Variants in PCBP3 observed in about 807,000 individuals in gnomAD.
PCBP3 encodes the protein poly(rC)-binding protein 3.
PCBP3 carries 25 observed loss-of-function variants against 52.7 expected under a neutral mutation model. The observed-to-expected ratio is 0.47, with a 90% CI of 0.35 to 0.66. The LOEUF (loss-of-function observed/expected upper bound fraction) is 0.66, where lower values mean the gene tolerates loss of function less well. Among genes scored for constraint, PCBP3 ranks in the 30% least tolerant of loss-of-function variants. The pLI, the probability that PCBP3 is intolerant of heterozygous loss-of-function variation, is 0.01. For missense variants in PCBP3, 391 were observed against 490.3 expected (o/e 0.80, Z 1.91); for synonymous variants, 162 against 183.0 (o/e 0.89, Z 0.93).
At chr21:45,921,107 T>A (rs1238871054) in intron 13 of PCBP3, among the ~76,000 whole-genome samples, 3 of 151,978 alleles carry the variant, frequency 2.0e-5, no homozygotes, top group Non-Finnish European at 2.9e-5. Flanking sequence ...AACACAAAAA[T>A]AAAATGATTG....
rs565732757 is a variant in PCBP3 at position 45,741,679 on chromosome 21, T to A, written c.-162+6250T>A. ...TTATAGTTTTATTAAAAATAAAAAATTTTAAAGGTTATATGGCAAATATTA... is the reference window on the plus strand; with the variant it reads ...TTATAGTTTTATTAAAAATAAAAAAATTTAAAGGTTATATGGCAAATATTA... On this transcript the variant is annotated intron_variant, in intron 3 of 17. Coordinates refer to ENST00000681687, the MANE Select transcript of PCBP3 (RefSeq NM_001384156.1). This position sits in a 1 kb window ranked among gnomAD's most constrained non-coding sequence, Gnocchi z 4.5. Among the ~76,000 whole-genome samples, 52 of 152,280 alleles carry A rather than the reference T, an allele frequency of 3.4e-4. No homozygotes were observed. Among genetic ancestry groups the A allele is most frequent in the African/African-American group, 1.2e-3 (51 of 41,566 alleles).
At chr21:45,745,219 C>T (rs995120329) in intron 3 of PCBP3, among the ~76,000 whole-genome samples, 2 of 152,164 alleles carry the variant, frequency 1.3e-5, no homozygotes, top group African/African-American at 4.8e-5. Context: ...GCCATGGAGG[C>T]TTTTGGAATC....
chr21:45,782,928 C>T lies in PCBP3; in HGVS notation c.-126+27476C>T, dbSNP rs116323148. On this transcript the variant is annotated intron_variant, in intron 4 of 17. Coordinates refer to ENST00000681687, the MANE Select transcript of PCBP3 (RefSeq NM_001384156.1). The stretch of plus-strand genomic sequence containing the variant: ...TGGAACTGCTGTGTCGCAGGTTACA[C>T]GGAGCTTCAGCTTTGCTGACTGATG... Among the ~76,000 whole-genome samples, 885 of 152,342 alleles carry T rather than the reference C, an allele frequency of 5.8e-3. 9 individuals are homozygous for T. Among genetic ancestry groups the T allele is most frequent in the African/African-American group, 0.02 (852 of 41,586 alleles).
intron 4 of PCBP3, among the ~76,000 whole-genome samples, chr21:45,804,487 C>T (rs2092424870): frequency 1.3e-5 from 2 of 152,168 alleles, no homozygotes; most frequent in Admixed American, 6.5e-5. Context: ...GGGGAGCTTA[C>T]TGAAGATCCT....
chr21:45,696,178 C>T (rs2082763598), intron 2 of PCBP3, among the ~76,000 whole-genome samples: 1 of 149,964 alleles, frequency 6.7e-6, no homozygotes, highest in Non-Finnish European at 1.5e-5. Context: ...CTCCGTCTCA[C>T]ACCAGCCACA....
intron 2 of PCBP3, among the ~76,000 whole-genome samples, chr21:45,689,973 C>G (rs984993327): frequency 6.6e-6 from 1 of 152,142 alleles, no homozygotes; most frequent in Non-Finnish European, 1.5e-5. Context: ...CAATCAAACT[C>G]TAGCAGGCTT....
At chr21:45,674,430 C>G (rs2081347100) in intron 2 of PCBP3, among the ~76,000 whole-genome samples, 1 of 152,192 alleles carries the variant, frequency 6.6e-6, no homozygotes, top group African/African-American at 2.4e-5. Context: ...GACCATGATT[C>G]TGTCTGTACA....
chr21:45,831,408 C>CAAAAAAAA (rs59400163), intron 4 of PCBP3, among the ~76,000 whole-genome samples: 3 of 86,588 alleles, frequency 3.5e-5, no homozygotes, highest in African/African-American at 8.4e-5. Flanking sequence ...GATGCTGTCT[C>CAAAAAAAA]AAAAAAAAAA....
At chr21:45,708,472 G>A (rs2148099137) in intron 2 of PCBP3, among the ~76,000 whole-genome samples, 1 of 152,256 alleles carries the variant, frequency 6.6e-6, no homozygotes, top group Admixed American at 6.5e-5. Flanking sequence ...CTGTTTTGCT[G>A]CTTAAGTTTG....
intron 2 of PCBP3, among the ~76,000 whole-genome samples, chr21:45,709,418 T>C (rs768648359): frequency 6.6e-6 from 1 of 152,204 alleles, no homozygotes; most frequent in Non-Finnish European, 1.5e-5. Context: ...TTGGACTTTC[T>C]AGGTTCCTCT....
chr21:45,695,558 T>A (rs1407974500), intron 2 of PCBP3, among the ~76,000 whole-genome samples: 1 of 152,200 alleles, frequency 6.6e-6, no homozygotes, highest in East Asian at 1.9e-4. Flanking sequence ...GTTTCTTCCA[T>A]TTCTTAGGAC....
chr21:45,657,507 A>G (rs2080094916), intron 1 of PCBP3, among the ~76,000 whole-genome samples: 1 of 152,190 alleles, frequency 6.6e-6, no homozygotes, highest in Non-Finnish European at 1.5e-5. Flanking sequence ...ATGGACCTAT[A>G]TGTCTCTCTC....
At chr21:45,696,841 A>G (rs989803784) in intron 2 of PCBP3, among the ~76,000 whole-genome samples, 1 of 152,140 alleles carries the variant, frequency 6.6e-6, no homozygotes, top group Non-Finnish European at 1.5e-5. Flanking sequence ...CCTTGAGCAG[A>G]CACTTCACAA....
intron 2 of PCBP3, among the ~76,000 whole-genome samples, chr21:45,722,650 C>A (rs896026702): frequency 3.3e-5 from 5 of 151,928 alleles, no homozygotes; most frequent in Non-Finnish European, 7.4e-5. Flanking sequence ...ACTACAGATA[C>A]AGATTTACTA....
chr21:45,900,695 C>A, intron 8 of PCBP3, 72 bp downstream of exon 8: 2 of 1,082,698 alleles, frequency 1.8e-6, no homozygotes, highest in Non-Finnish European at 2.9e-6. Flanking sequence ...GGCTCTGCCC[C>A]TGCCGACGTC....
At chr21:45,680,545 T>C (rs2081774331) in intron 2 of PCBP3, among the ~76,000 whole-genome samples, 2 of 152,208 alleles carry the variant, frequency 1.3e-5, no homozygotes, top group Non-Finnish European at 2.9e-5. Context: ...AATTTTTGTG[T>C]GTTTATCTTT....
chr21:45,765,580 C>T (rs1343783839), intron 4 of PCBP3, among the ~76,000 whole-genome samples: 1 of 152,178 alleles, frequency 6.6e-6, no homozygotes, highest in Non-Finnish European at 1.5e-5. Context: ...GTGAGGGCAC[C>T]GAGGACAGTG....
intron 9 of PCBP3, among the ~76,000 whole-genome samples, chr21:45,906,554 C>G (rs2096212560): frequency 6.6e-6 from 1 of 152,118 alleles, no homozygotes; most frequent in Non-Finnish European, 1.5e-5. Context: ...TTGGTGGAAC[C>G]TCTCGGAGCC....
At chr21:45,793,815 T>C (rs2091766920) in intron 4 of PCBP3, among the ~76,000 whole-genome samples, 1 of 152,152 alleles carries the variant, frequency 6.6e-6, no homozygotes, top group African/African-American at 2.4e-5. Flanking sequence ...AACCTGGAAT[T>C]GTAGACACAG....
Sources: allele counts gnomAD v4.1 joint callset (sites outside exome capture counted in the v4.1 genomes callset), GRCh38; gene constraint gnomAD v4.1.1; non-coding constraint Gnocchi (gnomAD v3.1); transcripts MANE v1.5; gene names NCBI Gene and HGNC (gene_info 2026-07-23, HGNC 2026-07-21).